The following SPRY3 variants were observed in gnomAD, a reference collection of about 807,000 sequenced individuals.
SPRY3 encodes sprouty RTK signaling antagonist 3.
Under a neutral mutation model 20.2 loss-of-function variants are expected in SPRY3, and 15 were observed. That is an observed-to-expected ratio of 0.74 (90% CI 0.50 to 1.14). The LOEUF (loss-of-function observed/expected upper bound fraction) is 1.14, where lower values mean the gene tolerates loss of function less well. Ranked by LOEUF, SPRY3 falls within the 50% of genes most tolerant of loss-of-function variation. The pLI is 0.00. For synonymous variants in SPRY3, 143 were observed against 136.5 expected (o/e 1.05, Z -0.33); for missense variants, 364 against 363.9 (o/e 1.00, Z 0.00).
intron 2 of SPRY3, among the ~76,000 whole-genome samples, chrX:155,751,760 A>G (rs898058269): frequency 2.0e-5 from 3 of 151,684 alleles, no homozygotes. Context: ...TATGTACACA[A>G]CTGAAAACAG....
At chrX:155,722,338 G>C (rs2091065045) in intron 2 of SPRY3, among the ~76,000 whole-genome samples, 1 of 151,994 alleles carries the variant, frequency 6.6e-6, no homozygotes, top group African/African-American at 2.4e-5. Flanking sequence ...CCTGGCCACA[G>C]GGTGAAACCC....
At chrX:155,761,700 C>T (rs1449230272) in intron 2 of SPRY3, among the ~76,000 whole-genome samples, 3 of 149,254 alleles carry the variant, frequency 2.0e-5, no homozygotes, top group Admixed American at 2.0e-4. Context: ...TTCTCTGCAG[C>T]CTTGCCAGCA....
At chrX:155,750,522 T>G (rs1319138976) in intron 2 of SPRY3, among the ~76,000 whole-genome samples, 5 of 151,904 alleles carry the variant, frequency 3.3e-5, no homozygotes, top group Non-Finnish European at 7.4e-5. Context: ...AGAGGCTACC[T>G]GAAAGCCAAG....
chrX:155,782,346 A>G (rs2091467838), exon 2 of SPRY3: 3 of 166,886 alleles, frequency 1.8e-5, no homozygotes. Flanking sequence ...ATCCAATCCC[A>G]TCGTATCCAT....
At chrX:155,625,373 A>G (rs1557349852) in intron 1 of SPRY3, among the ~76,000 whole-genome samples, 1 of 111,794 alleles carries the variant, frequency 8.9e-6, no homozygotes, top group Non-Finnish European at 1.9e-5. Flanking sequence ...GTAAATGTTT[A>G]GGATGTACCT....
intron 3 of SPRY3, 100 bp downstream of exon 2, chrX:155,768,236 T>TGC (rs2089190126): frequency 4.6e-5 from 1 of 21,672 alleles, no homozygotes; most frequent in East Asian, 2.7e-3. Context: ...TCTGTGTGCG[T>TGC]GTGTGTGCCG....
At chrX:155,739,772 C>A (rs1338402398) in intron 2 of SPRY3, among the ~76,000 whole-genome samples, 1 of 152,050 alleles carries the variant, frequency 6.6e-6, no homozygotes, top group African/African-American at 2.4e-5. Flanking sequence ...CAGGAAGCAA[C>A]AGCAACAACA....
chrX:155,749,884 T>C (rs1386929806), intron 2 of SPRY3, among the ~76,000 whole-genome samples: 2 of 151,844 alleles, frequency 1.3e-5, no homozygotes, highest in African/African-American at 4.8e-5. Context: ...CCCAGTGGGA[T>C]ACATTATTCT....
downstream of SPRY3, chrX:155,777,755 T>C (rs2091438453): frequency 1.2e-5 from 2 of 162,538 alleles, no homozygotes; most frequent in African/African-American, 5.0e-5. Context: ...CTACTTTGTG[T>C]CATGTCCTGT....
chrX:155,666,651 C>T (rs1557354352), intron 2 of SPRY3, among the ~76,000 whole-genome samples: 1 of 111,172 alleles, frequency 9.0e-6, no homozygotes, highest in Non-Finnish European at 1.9e-5. Context: ...ATGGTAACAA[C>T]GGAGGTAAAA....
At chrX:155,756,943 A>G (rs1397883417) in intron 2 of SPRY3, among the ~76,000 whole-genome samples, 2 of 152,050 alleles carry the variant, frequency 1.3e-5, no homozygotes, top group African/African-American at 2.4e-5. Flanking sequence ...CACTTCCACT[A>G]TTACCACTCT....
At chrX:155,725,187 T>G (rs1312603239) in intron 2 of SPRY3, among the ~76,000 whole-genome samples, 1 of 152,190 alleles carries the variant, frequency 6.6e-6, no homozygotes, top group Non-Finnish European at 1.5e-5. Flanking sequence ...TCATGGTGGA[T>G]AAGCTTTTTG....
intron 1 of SPRY3, among the ~76,000 whole-genome samples, chrX:155,624,113 G>T: frequency 8.9e-6 from 1 of 112,137 alleles, no homozygotes; most frequent in East Asian, 2.8e-4. Flanking sequence ...TAGATAGGAG[G>T]CTGCTTTTTT....
At chrX:155,695,204 T>C (rs1029942550) in intron 2 of SPRY3, among the ~76,000 whole-genome samples, 3 of 111,666 alleles carry the variant, frequency 2.7e-5, no homozygotes, top group Non-Finnish European at 5.7e-5. Context: ...TATCTAGAAA[T>C]GTTGTTATTT....
chrX:155,736,813 T>C (rs986389618), intron 2 of SPRY3, among the ~76,000 whole-genome samples: 1 of 152,180 alleles, frequency 6.6e-6, no homozygotes, highest in Non-Finnish European at 1.5e-5. Context: ...TTTCTTCTTC[T>C]GGGATTCCTA....
At chrX:155,652,043 C>A (rs1557352414) in intron 1 of SPRY3, among the ~76,000 whole-genome samples, 1 of 110,891 alleles carries the variant, frequency 9.0e-6, no homozygotes, top group East Asian at 2.8e-4. Flanking sequence ...AGGAAGAGAG[C>A]AAACAGGGAG....
At chrX:155,778,390 T>C (rs917990719), downstream of SPRY3, 6 of 167,080 alleles carry the variant, frequency 3.6e-5, no homozygotes, top group African/African-American at 1.4e-4. Flanking sequence ...TTTTCCACTA[T>C]TCCCTTTGAA....
chrX:155,767,730 GGAGGAGAGA>G (rs2091346669), intron 2 of SPRY3: 1 of 66,920 alleles, frequency 1.5e-5, no homozygotes, highest in African/African-American at 4.1e-5. Flanking sequence ...AAGAGGAGGA[GGAGGAGAGA>G]GAGGAGGAGG....
chrX:155,748,176 A>G (rs2091238343), intron 2 of SPRY3, among the ~76,000 whole-genome samples: 1 of 151,836 alleles, frequency 6.6e-6, no homozygotes. Flanking sequence ...GGTAAGTACC[A>G]GAGATGTGTG....
Sources: gnomAD v4.1 joint callset for allele counts (sites outside exome capture counted in the v4.1 genomes callset) on GRCh38, gnomAD v4.1.1 for gene constraint, MANE v1.5 for transcripts, NCBI Gene and HGNC (gene_info 2026-07-23, HGNC 2026-07-21) for gene names.